Variants in FLG observed in about 807,000 individuals in gnomAD.
FLG encodes the protein epidermal filaggrin.
Under a neutral mutation model 3.8 loss-of-function variants are expected in FLG, and 6 were observed. The observed-to-expected ratio is 1.60, with a 90% CI of 0.87 to 3.15. The LOEUF (loss-of-function observed/expected upper bound fraction) is 3.15, where lower values mean the gene tolerates loss of function less well. Among genes scored for constraint, FLG ranks in the 30% most tolerant of loss-of-function variants. FLG has a pLI of 0.00. For missense variants in FLG, 7,595 were observed against 5,050.9 expected, an observed-to-expected ratio of 1.50 and a Z score of -15.27; for synonymous variants, 2,551 against 1,931.6, an observed-to-expected ratio of 1.32 and a Z score of -8.41.
Position 152,304,582 on chromosome 1 carries a change from C to T in FLG, c.10304G>A (p.Arg3435His), listed in dbSNP as rs576274425. 39 of 1,610,298 alleles carry T rather than the reference C, an allele frequency of 2.4e-5. 2 individuals carry two copies. Among genetic ancestry groups the T allele is most frequent in the South Asian group, 7.7e-5 (7 of 90,636 alleles). The change falls in exon 3 of 3, where the codon CGT becomes CAT. Residue 3435 changes from arginine to histidine, a missense_variant. Coordinates refer to ENST00000368799, the MANE Select transcript of FLG (RefSeq NM_002016.2). ...SASQEGQDTIRGHPGSSRRGR... is the reference protein window; with the variant it reads ...SASQEGQDTIHGHPGSSRRGR... Reference sequence around the variant, plus strand: ...TCTTCTGCTTGACCCCGGGTGTCCACGAATGGTGTCCTGACCCTCTTGGGA... The same window carrying T: ...TCTTCTGCTTGACCCCGGGTGTCCATGAATGGTGTCCTGACCCTCTTGGGA...
At position 152,314,063 on chromosome 1, in the gene FLG, T is replaced by C; in HGVS notation, c.823A>G (p.Arg275Gly). Residue 275 changes from arginine (R) to glycine (G), a missense_variant, in exon 3 of 3, where the codon AGA (arginine) becomes GGA (glycine). Transcript: ENST00000368799. ...GKSSSQVNRSRHENTSQVPLQ... is the reference protein window; with the variant it reads ...GKSSSQVNRSGHENTSQVPLQ... ...GGTACCTGGCTTGTATTTTCATGTC[T>C]TGACCTGTTCACTTGAGATGATGAT... The C allele has an allele frequency of 1.2e-6, 2 of 1,614,226 alleles. No homozygotes were observed. Among genetic ancestry groups the C allele is most frequent in the Non-Finnish European group, 1.7e-6 (2 of 1,180,040 alleles).
In FLG at chr1:152,303,073, G is replaced by T; in HGVS notation, c.11813C>A (p.Ser3938Tyr). Residue 3938 changes from serine (S) to tyrosine (Y), a missense_variant, in exon 3 of 3, where the codon TCT becomes TAT. Ser to Tyr is a moderately radical substitution (Grantham distance 144). Transcript: ENST00000368799. Reference protein sequence around the residue: ...HGHFSSLSQDSAYHSGIQSRG... With the variant: ...HGHFSSLSQDYAYHSGIQSRG... ...TGACTGTATTCCTGAGTGATACGCA[G>T]AATCTTGTGAAAGACTACTAAAGTG... The T allele has an allele frequency of 6.2e-7, 1 of 1,614,182 alleles. No individual in the cohort carries two copies. The highest frequency in any genetic ancestry group is 8.5e-7 in the Non-Finnish European group (1 of 1,180,034).
rs780388180 is a variant in FLG, at chr1:152,309,280, C to T, written c.5606G>A (p.Arg1869His). 4.8e-5 allele frequency: 77 copies of T among 1,613,560 alleles called. 2 individuals are homozygous for T. Among genetic ancestry groups the T allele is most frequent in the South Asian group, 3.7e-4 (34 of 91,036 alleles). Reference sequence around the variant, plus strand: ...GCCGTCTCCTGATTGTTTCTCATTACGTGTTTGTCTGCTGACACTTCTGGA... The same window carrying T: ...GCCGTCTCCTGATTGTTTCTCATTATGTGTTTGTCTGCTGACACTTCTGGA... The part of the protein sequence containing the change: ...SGSRSVSRQT[R>H]NEKQSGDGSR... The change falls in exon 3 of 3, where the codon CGT becomes CAT. Residue 1869 changes from arginine to histidine, a missense_variant. Transcript: ENST00000368799.
Position 152,313,004 on chromosome 1 carries a change from G to A in FLG, c.1882C>T (p.Gln628Ter), listed in dbSNP as rs779204654. 4.3e-6 allele frequency: 7 copies of A among 1,613,750 alleles called. No individual in the cohort carries two copies. Among genetic ancestry groups the A allele is most frequent in the Admixed American group, 1.7e-5 (1 of 59,992 alleles). The change falls in exon 3 of 3, where the codon CAG becomes TAG. Residue 628 changes from glutamine to a stop codon, truncating the protein, a stop_gained. Coordinates refer to ENST00000368799, the MANE Select transcript of FLG (RefSeq NM_002016.2). LOFTEE classifies it low-confidence loss of function (END_TRUNC). The stretch of plus-strand genomic sequence containing the variant: ...CTCTCAGAGTCTTCTGAGTGTCCCT[G>A]ACTGTCACTGTCCTGGCTAACACTG... ...GSSVSQDSDS[Q>*]GHSEDSERWS...
chr1:152,309,832 T>G lies in FLG; in HGVS notation c.5054A>C (p.His1685Pro), dbSNP rs1409533260. Residue 1685 changes from histidine to proline, a missense_variant, in exon 3 of 3, where the codon CAC (histidine) becomes CCC (proline). Transcript: ENST00000368799. ...SSPGERHGSR[H>P]QQSADSSTDS... ...TGTGGAGCTGTCTGCTGACTGCTGG[T>G]GGCGGGATCCATGTCTTTCTCCTGG... 1 of 1,614,110 alleles carries G rather than the reference T, an allele frequency of 6.2e-7. No homozygotes were observed. Among genetic ancestry groups the G allele is most frequent in the Admixed American group, 1.7e-5 (1 of 60,024 alleles).
chr1:152,308,594 C>T lies in FLG; in HGVS notation c.6292G>A (p.Glu2098Lys), dbSNP rs1240887192. The T allele has an allele frequency of 1.9e-6, 3 of 1,613,990 alleles. No homozygotes were observed. The highest frequency in any genetic ancestry group is 1.3e-5 in the African/African-American group (1 of 74,922). Residue 2098 changes from glutamate (E) to lysine (K), a missense_variant, in exon 3 of 3, where the codon GAA (glutamate) becomes AAA (lysine). Glu to Lys is a moderately conservative substitution (Grantham distance 56). Coordinates refer to ENST00000368799, the MANE Select transcript of FLG (RefSeq NM_002016.2). ...GSFLYQVSTH[E>K]QSESTHGQSA... is the part of the protein sequence containing the mutation. ...TGTCCATGGGTGGACTCAGACTGTT[C>T]ATGAGTGCTCACCTGGTAGAGGAAA...
At position 152,308,850 on chromosome 1, in the gene FLG, C is replaced by G; in HGVS notation, c.6036G>C (p.Gln2012His). 1 of 1,614,142 alleles carries G rather than the reference C, an allele frequency of 6.2e-7. No individual in the cohort carries two copies. The highest frequency in any genetic ancestry group is 1.1e-5 in the South Asian group (1 of 91,076). ...GERHGSHHQL[Q>H]SADSSRHSGI... ...CTGAGTGTCTGGAGCTGTCTGCTGACTGGAGCTGGTGGTGGGATCCATGTC... is the reference window on the plus strand; with the variant it reads ...CTGAGTGTCTGGAGCTGTCTGCTGAGTGGAGCTGGTGGTGGGATCCATGTC... Residue 2012 changes from glutamine to histidine, a missense_variant, in exon 3 of 3, where the codon CAG (glutamine) becomes CAC (histidine). By Grantham distance (24) the Gln-to-His change is conservative. Coordinates refer to ENST00000368799, the MANE Select transcript of FLG (RefSeq NM_002016.2).
chr1:152,321,687 G>A (rs926399347), intron 1 of FLG, among the ~76,000 whole-genome samples: 6 of 151,016 alleles, frequency 4.0e-5, no homozygotes, highest in African/African-American at 1.5e-4. Flanking sequence ...ATTTCCAGTG[G>A]GGGAGAAACT....
chr1:152,306,377 C>G lies in FLG; in HGVS notation c.8509G>C (p.Ala2837Pro), dbSNP rs751798732. 3.6e-5 allele frequency: 58 copies of G among 1,602,442 alleles called. No homozygotes were observed. Among genetic ancestry groups the G allele is most frequent in the Non-Finnish European group, 4.5e-5 (53 of 1,179,760 alleles). ...ASRGQSGSRS[A>P]SRTTRNEEQS... Reference sequence around the variant, plus strand: ...TCCTCATTACGTGTTGTTCTGCTTGCACTTCTGGATCCTGACTGCCCACGG... The same window carrying G: ...TCCTCATTACGTGTTGTTCTGCTTGGACTTCTGGATCCTGACTGCCCACGG... Residue 2837 changes from alanine to proline, a missense_variant, in exon 3 of 3, where the codon GCA (alanine) becomes CCA (proline). By Grantham distance (27) the Ala-to-Pro change is conservative (BLOSUM62 -1). Transcript: ENST00000368799.
In FLG at chr1:152,312,078, G is replaced by T; in HGVS notation, c.2808C>A (p.Ser936=). ...TGGATCCCTGGCGCCTGCTTGTCCT[G>T]GACCCCTCTGATTGTCCCTGGCCTG... ...SQAGQGQSEG[S]RTSRRQGSSV... is the part of the protein sequence containing the mutation. Residue 936 remains serine (S), a synonymous_variant, in exon 3 of 3, where the codon TCC becomes TCA. Coordinates refer to ENST00000368799, the MANE Select transcript of FLG (RefSeq NM_002016.2). 2 of 1,614,088 alleles carry T rather than the reference G, an allele frequency of 1.2e-6. No individual in the cohort carries two copies. Among genetic ancestry groups the T allele is most frequent in the Non-Finnish European group, 8.5e-7 (1 of 1,180,018 alleles).
At position 152,307,602 on chromosome 1, in the gene FLG, A is replaced by G. The variant is rs1294009631; in HGVS notation, c.7284T>C (p.His2428=). The part of the protein sequence containing the change: ...VSTHEQSESA[H]GRTGTSTGGR... ...CTCCAGTGCTGGTCCCGGTCCGTCC[A>G]TGGGCGGACTCAGACTGTTCATGAG... Residue 2428 remains histidine (H), a synonymous_variant, in exon 3 of 3, where the codon CAT becomes CAC. Transcript: ENST00000368799. 4 of 1,613,574 alleles carry G rather than the reference A, an allele frequency of 2.5e-6. No individual in the cohort carries two copies. The highest frequency in any genetic ancestry group is 3.4e-6 in the Non-Finnish European group (4 of 1,179,922).
chr1:152,312,959 T>G lies in FLG; in HGVS notation c.1927A>C (p.Arg643=), dbSNP rs762662395. The stretch of plus-strand genomic sequence containing the variant: ...TCCTGAGCAGATCCATGATGGTTTC[T>G]GGAAGCAGACCCAGACCACCTCTCA... ...DSERWSGSAS[R]NHHGSAQEQS... is the part of the protein sequence containing the mutation. Residue 643 remains arginine, a synonymous_variant, in exon 3 of 3, where the codon AGA becomes CGA. Coordinates refer to ENST00000368799, the MANE Select transcript of FLG (RefSeq NM_002016.2). 2 of 1,614,026 alleles carry G rather than the reference T, an allele frequency of 1.2e-6. No homozygotes were observed. Among genetic ancestry groups the G allele is most frequent in the South Asian group, 1.1e-5 (1 of 91,064 alleles).
Position 152,307,685 on chromosome 1 carries a change from G to A in FLG, c.7201C>T (p.Arg2401Cys), listed in dbSNP as rs553468192. The A allele has an allele frequency of 4.0e-5, 64 of 1,613,490 alleles. No individual in the cohort carries two copies. The highest frequency in any genetic ancestry group is 2.4e-4 in the South Asian group (22 of 91,022). ...PHQQSHQESTRGRSAGRSGRS... is the reference protein window; with the variant it reads ...PHQQSHQESTCGRSAGRSGRS... ...CCAGACCTTCCTGCTGACCGGCCAC[G>A]TGTGGACTCTTGGTGGCTCTGCTGA... Residue 2401 changes from arginine (R) to cysteine (C), a missense_variant, in exon 3 of 3, where the codon CGT (arginine) becomes TGT (cysteine). By Grantham distance (180) the Arg-to-Cys change is radical. Coordinates refer to ENST00000368799, the MANE Select transcript of FLG (RefSeq NM_002016.2).
At position 152,303,212 on chromosome 1, in the gene FLG, G is replaced by A. The variant is rs141128022; in HGVS notation, c.11674C>T (p.Arg3892Trp). Residue 3892 changes from arginine to tryptophan, a missense_variant, in exon 3 of 3, where the codon CGG (arginine) becomes TGG (tryptophan). Transcript: ENST00000368799. Reference sequence around the variant, plus strand: ...CTGGAGCCATCTCTTGACTGCTCCCGAGAAGATCCATGATGGTTTCTGGAA... The same window carrying A: ...CTGGAGCCATCTCTTGACTGCTCCCAAGAAGATCCATGATGGTTTCTGGAA... The part of the protein sequence containing the change: ...SASRNHHGSS[R>W]EQSRDGSRHP... 3,333 of 1,614,056 alleles carry A rather than the reference G, an allele frequency of 2.1e-3. 33 individuals carry two copies. Among genetic ancestry groups the A allele is most frequent in the South Asian group, 8.8e-3 (797 of 91,066 alleles).
At chr1:152,317,730 T>C (rs1652834784) in intron 1 of FLG, among the ~76,000 whole-genome samples, 1 of 152,036 alleles carries the variant, frequency 6.6e-6, no homozygotes, top group African/African-American at 2.4e-5. Context: ...TCACTGACTG[T>C]CCCCTAAACT....
At position 152,304,934 on chromosome 1, in the gene FLG, T is replaced by A; in HGVS notation, c.9952A>T (p.Ile3318Phe). ...QSADSSRHSG[I>F]PRGQASSAVR... ...GCAGATGAAGCTTGTCCACGCGGAATGCCTGAGTGTCTGGAGCTGTCTGCT... is the reference window on the plus strand; with the variant it reads ...GCAGATGAAGCTTGTCCACGCGGAAAGCCTGAGTGTCTGGAGCTGTCTGCT... Residue 3318 changes from isoleucine to phenylalanine, a missense_variant, in exon 3 of 3, where the codon ATT becomes TTT. Transcript: ENST00000368799. 1 of 1,613,770 alleles carries A rather than the reference T, an allele frequency of 6.2e-7. No individual in the cohort carries two copies. Among genetic ancestry groups the A allele is most frequent in the Non-Finnish European group, 8.5e-7 (1 of 1,179,962 alleles).
In FLG at chr1:152,312,830, G is replaced by C. The variant is rs1652556166; in HGVS notation, c.2056C>G (p.Gln686Glu). 6 of 1,613,778 alleles carry C rather than the reference G, an allele frequency of 3.7e-6. No homozygotes were observed. Among genetic ancestry groups the C allele is most frequent in the Non-Finnish European group, 5.1e-6 (6 of 1,179,778 alleles). The change falls in exon 3 of 3, where the codon CAG (glutamine) becomes GAG (glutamate). Residue 686 changes from glutamine to glutamate, a missense_variant. Physicochemically the swap from Gln to Glu is conservative, Grantham distance 29 (BLOSUM62 2). Transcript: ENST00000368799. The part of the protein sequence containing the change: ...SSRKSGTRHT[Q>E]NSSSGQAASS... ...GCAGCCTGTCCACTAGAGGAATTCTGTGTGTGACGAGTGCCTGATTTTCTG... is the reference window on the plus strand; with the variant it reads ...GCAGCCTGTCCACTAGAGGAATTCTCTGTGTGACGAGTGCCTGATTTTCTG...
chr1:152,315,539 C>G, intron 1 of FLG, 62 bp from the exon 2 acceptor site: 2 of 1,289,914 alleles, frequency 1.6e-6, no homozygotes, highest in Non-Finnish European at 1.1e-6. Context: ...TATATTATTA[C>G]AATCATTTTC....
chr1:152,314,844 T>C (rs565004911), intron 2 of FLG, 97 bp from the exon 3 acceptor site: 3 of 1,496,934 alleles, frequency 2.0e-6, no homozygotes, highest in Admixed American at 2.0e-5. Context: ...GATCTTTGAG[T>C]ATTAAAAAGT....
Sources: allele counts gnomAD v4.1 joint callset (sites outside exome capture counted in the v4.1 genomes callset), GRCh38; gene constraint gnomAD v4.1.1; transcripts MANE v1.5; gene names NCBI Gene and HGNC (gene_info 2026-07-23, HGNC 2026-07-21).